TMEM232: variants seen among roughly 807,000 people sequenced by gnomAD.
TMEM232 encodes the protein transmembrane protein 232.
In TMEM232, 80 loss-of-function variants were observed where a neutral mutation model predicts 78.8. The ratio of observed to expected loss-of-function variants is 1.01; its 90% CI spans 0.85 to 1.22. The LOEUF (loss-of-function observed/expected upper bound fraction) is 1.22. Ranked by LOEUF, TMEM232 falls within the 50% of genes most tolerant of loss-of-function variation. TMEM232 has a pLI of 0.00. For synonymous variants in TMEM232, 297 were observed against 254.3 expected (o/e 1.17, Z -1.60); for missense variants, 881 against 742.2 (o/e 1.19, Z -2.17).
intron 10 of TMEM232, among the ~76,000 whole-genome samples, chr5:110,582,910 A>G (rs568595328): frequency 9.2e-5 from 14 of 152,160 alleles, no homozygotes; most frequent in African/African-American, 3.4e-4. Context: ...TACATTTATG[A>G]TAGCAACAAA....
chr5:110,636,787 A>G (rs1785900161), intron 5 of TMEM232, among the ~76,000 whole-genome samples: 4 of 152,074 alleles, frequency 2.6e-5, no homozygotes, highest in Admixed American at 1.3e-4. Flanking sequence ...TGTGTCTAAT[A>G]TATTTAAAGC....
intron 12 of TMEM232, among the ~76,000 whole-genome samples, chr5:110,488,688 C>A (rs1283113191): frequency 2.0e-5 from 3 of 151,490 alleles, no homozygotes; most frequent in Non-Finnish European, 2.9e-5. Flanking sequence ...AAACCTAAAG[C>A]CAGAAGTAAT....
chr5:110,706,421 T>A (rs1178383554), intron 1 of TMEM232, among the ~76,000 whole-genome samples: 1 of 152,142 alleles, frequency 6.6e-6, no homozygotes, highest in Non-Finnish European at 1.5e-5. Flanking sequence ...ATTTTTCTAA[T>A]GTTTCTATGT....
At chr5:110,490,161 GAAAGAA>G (rs1275029133) in intron 12 of TMEM232, among the ~76,000 whole-genome samples, 4 of 140,344 alleles carry the variant, frequency 2.9e-5, no homozygotes, top group Non-Finnish European at 5.9e-5. Context: ...AAGAAAGAAA[GAAAGAA>G]AGAAAGAAAG....
intron 12 of TMEM232, among the ~76,000 whole-genome samples, chr5:110,462,605 T>C (rs1276075514): frequency 6.6e-6 from 1 of 152,216 alleles, no homozygotes; most frequent in Non-Finnish European, 1.5e-5. Flanking sequence ...GACTGAAGGC[T>C]GCACTGCTGG....
At chr5:110,486,807 T>C (rs1764511293) in intron 12 of TMEM232, among the ~76,000 whole-genome samples, 1 of 152,064 alleles carries the variant, frequency 6.6e-6, no homozygotes, top group African/African-American at 2.4e-5. Flanking sequence ...GGCTCTTTTT[T>C]GGTTCCATAT....
At position 110,483,169 on chromosome 5, in the gene TMEM232, A is replaced by T. The variant is rs192979283; in HGVS notation, c.1703+45419T>A. Reference sequence around the variant, plus strand: ...TTACATGATAATAACAGCACAGTAGAGTAGGGAGCAAATAGAGCTAGCAAA... The same window carrying T: ...TTACATGATAATAACAGCACAGTAGTGTAGGGAGCAAATAGAGCTAGCAAA... On this transcript the variant is annotated intron_variant, in intron 12 of 13. Coordinates refer to ENST00000455884, the MANE Select transcript of TMEM232 (RefSeq NM_001039763.4). Among the ~76,000 whole-genome samples, 4 of 152,294 alleles carry T rather than the reference A, an allele frequency of 2.6e-5. No individual in the cohort carries two copies. In the East Asian group the frequency reaches 5.8e-4, roughly 22 times the overall value.
intron 2 of TMEM232, among the ~76,000 whole-genome samples, chr5:110,649,234 A>T (rs1787951503): frequency 6.6e-6 from 1 of 152,120 alleles, no homozygotes; most frequent in Non-Finnish European, 1.5e-5. Flanking sequence ...GGAGAGTAAA[A>T]ACAGTTAAGG....
chr5:110,599,588 G>T (rs1780638412), intron 10 of TMEM232, among the ~76,000 whole-genome samples: 1 of 152,124 alleles, frequency 6.6e-6, no homozygotes. Flanking sequence ...TTACATAATG[G>T]TAAAGGGATC....
chr5:110,705,298 G>T (rs949039657), intron 1 of TMEM232, among the ~76,000 whole-genome samples: 9 of 152,032 alleles, frequency 5.9e-5, no homozygotes, highest in Non-Finnish European at 1.2e-4. Flanking sequence ...GTGCCATAGG[G>T]GCAGGACTTA....
At chr5:110,467,519 C>CATTTGCAG (rs1762211455) in intron 12 of TMEM232, among the ~76,000 whole-genome samples, 1 of 152,144 alleles carries the variant, frequency 6.6e-6, no homozygotes, top group Non-Finnish European at 1.5e-5. Context: ...ATAAAAACTG[C>CATTTGCAG]ATTTGCAGAA....
In TMEM232 at chr5:110,477,717, G is replaced by T. The variant is rs113189692; in HGVS notation, c.1703+50871C>A. Among the ~76,000 whole-genome samples the T allele has an allele frequency of 3.6e-3, 553 of 151,802 alleles. 3 individuals carry two copies. The highest frequency in any genetic ancestry group is 0.012 in the African/African-American group (517 of 41,480). ...CTGCTTACAAAAAAAAATTCATAAT[G>T]ATGATAAACCATTGTCAACTTACTA... On this transcript the variant is annotated intron_variant, in intron 12 of 13. Transcript: ENST00000455884.
chr5:110,482,516 T>C (rs925895167), intron 12 of TMEM232, among the ~76,000 whole-genome samples: 1 of 151,400 alleles, frequency 6.6e-6, no homozygotes, highest in Non-Finnish European at 1.5e-5. Context: ...AGGAGGCGGA[T>C]GTTGCAGTGA....
At chr5:110,608,744 C>T (rs1781814665) in intron 8 of TMEM232, among the ~76,000 whole-genome samples, 1 of 151,956 alleles carries the variant, frequency 6.6e-6, no homozygotes, top group South Asian at 2.1e-4. Flanking sequence ...TACTTATAAA[C>T]TGGAGTTTGT....
intron 12 of TMEM232, among the ~76,000 whole-genome samples, chr5:110,496,316 T>C: frequency 6.6e-6 from 1 of 151,984 alleles, no homozygotes; most frequent in Non-Finnish European, 1.5e-5. Flanking sequence ...CATATCAAGC[T>C]CCTTGCATAG....
chr5:110,726,089 A>G (rs541143075), intron 1 of TMEM232, among the ~76,000 whole-genome samples: 5 of 142,180 alleles, frequency 3.5e-5, no homozygotes, highest in African/African-American at 1.4e-4. Flanking sequence ...CACATCTCCA[A>G]TATACCCCCC....
chr5:110,413,744 G>T (rs903188431), intron 2 of TMEM232, among the ~76,000 whole-genome samples: 1 of 152,116 alleles, frequency 6.6e-6, no homozygotes, highest in Non-Finnish European at 1.5e-5. Context: ...ACTTAAAACA[G>T]AAAAGATTTT....
intron 12 of TMEM232, among the ~76,000 whole-genome samples, chr5:110,435,488 A>T (rs1361139541): frequency 6.6e-6 from 1 of 151,622 alleles, no homozygotes; most frequent in Non-Finnish European, 1.5e-5. Flanking sequence ...CAATTCAAAT[A>T]TGTAGAATTA....
At chr5:110,414,419 T>C (rs1216609793) in intron 2 of TMEM232, among the ~76,000 whole-genome samples, 1 of 152,218 alleles carries the variant, frequency 6.6e-6, no homozygotes, top group South Asian at 2.1e-4. Flanking sequence ...CATACATGTT[T>C]AGAACATATA....
Sources: allele counts gnomAD v4.1 joint callset (sites outside exome capture counted in the v4.1 genomes callset), GRCh38; gene constraint gnomAD v4.1.1; transcripts MANE v1.5; gene names NCBI Gene and HGNC (gene_info 2026-07-23, HGNC 2026-07-21).